Variants in ZNF609 observed in about 807,000 individuals in gnomAD.
ZNF609 encodes zinc finger protein 609.
ZNF609 carries 11 observed loss-of-function variants against 109.5 expected under a neutral mutation model. The ratio of observed to expected loss-of-function variants is 0.10; its 90% CI spans 0.06 to 0.17. ZNF609 has a LOEUF of 0.17. ZNF609 is among the 10% of genes least tolerant of loss of function. The probability of loss-of-function intolerance (pLI) is 1.00; values close to 1 mark genes in which losing one functional copy is unlikely to be tolerated. For synonymous variants in ZNF609, 646 were observed against 662.0 expected (o/e 0.98, Z 0.37); for missense variants, 1,559 against 1,772.4 (o/e 0.88, Z 2.16).
chr15:64,577,057 C>CACATAAAT (rs1567019119), intron 2 of ZNF609, among the ~76,000 whole-genome samples: 8,430 of 34,446 alleles, frequency 0.24, 2,570 homozygotes, highest in Non-Finnish European at 0.36. Context: ...TAAATATATA[C>CACATAAAT]ATATATGTAT....
intron 2 of ZNF609, among the ~76,000 whole-genome samples, chr15:64,563,272 A>G (rs1213809072): frequency 6.6e-6 from 1 of 151,894 alleles, no homozygotes. Context: ...GAACATGGTA[A>G]AATCCCATCT....
intron 1 of ZNF609, among the ~76,000 whole-genome samples, chr15:64,494,540 G>A (rs946812821): frequency 4.6e-5 from 7 of 151,858 alleles, no homozygotes; most frequent in African/African-American, 1.7e-4. Flanking sequence ...ATATGTTTTT[G>A]TTTTTGTTTT....
At chr15:64,566,349 T>C (rs1894777529) in intron 2 of ZNF609, among the ~76,000 whole-genome samples, 2 of 152,184 alleles carry the variant, frequency 1.3e-5, no homozygotes, top group African/African-American at 4.8e-5. Flanking sequence ...TGAATGAATG[T>C]ATGCATGAGC....
At chr15:64,515,970 A>C (rs1424273788) in intron 2 of ZNF609, among the ~76,000 whole-genome samples, 1 of 152,026 alleles carries the variant, frequency 6.6e-6, no homozygotes, top group Admixed American at 6.6e-5. Context: ...TAAGCAGGTA[A>C]ATGTCCTCAT....
chr15:64,527,169 T>C (rs1368978989), intron 2 of ZNF609, among the ~76,000 whole-genome samples: 1 of 151,080 alleles, frequency 6.6e-6, no homozygotes, highest in Non-Finnish European at 1.5e-5. Flanking sequence ...TTCTTTGGGC[T>C]TCCTTCATTC....
chr15:64,576,346 T>C (rs901345354), intron 2 of ZNF609, among the ~76,000 whole-genome samples: 1 of 152,160 alleles, frequency 6.6e-6, no homozygotes, highest in Non-Finnish European at 1.5e-5. Flanking sequence ...ATACTGACTT[T>C]AGGCTAGCTT....
At chr15:64,636,721 A>G (rs1457903706) in intron 3 of ZNF609, among the ~76,000 whole-genome samples, 1 of 152,232 alleles carries the variant, frequency 6.6e-6, no homozygotes, top group African/African-American at 2.4e-5. Context: ...CTTTTCTGCC[A>G]TGTGCTGTTG....
chr15:64,576,142 T>G (rs1894949152), intron 2 of ZNF609, among the ~76,000 whole-genome samples: 1 of 152,102 alleles, frequency 6.6e-6, no homozygotes, highest in Admixed American at 6.6e-5. Context: ...CTTGAAAAAT[T>G]AATAAAAATG....
chr15:64,561,569 T>A (rs1297077845), intron 2 of ZNF609, among the ~76,000 whole-genome samples: 8 of 150,450 alleles, frequency 5.3e-5, no homozygotes, highest in South Asian at 4.2e-4. Flanking sequence ...TTTTTTTTTT[T>A]TAAATGATTT....
At chr15:64,548,672 G>A (rs1194604509) in intron 2 of ZNF609, among the ~76,000 whole-genome samples, 2 of 152,180 alleles carry the variant, frequency 1.3e-5, no homozygotes, top group South Asian at 2.1e-4. Context: ...GGAGGCTAAA[G>A]TAGGACTTGA....
intron 2 of ZNF609, among the ~76,000 whole-genome samples, chr15:64,508,641 C>T (rs1413967828): frequency 6.6e-6 from 1 of 151,822 alleles, no homozygotes; most frequent in Non-Finnish European, 1.5e-5. Context: ...CAGACCTCCT[C>T]CCAGTCCCTA....
intron 2 of ZNF609, among the ~76,000 whole-genome samples, chr15:64,524,797 G>A (rs1034506871): frequency 6.6e-6 from 1 of 152,054 alleles, no homozygotes; most frequent in African/African-American, 2.4e-5. Context: ...TTTTTGTATG[G>A]ACATATGTCT....
At chr15:64,486,242 G>A (rs909389841) in intron 1 of ZNF609, among the ~76,000 whole-genome samples, 2 of 152,004 alleles carry the variant, frequency 1.3e-5, no homozygotes, top group African/African-American at 2.4e-5. Flanking sequence ...TTATTTTATC[G>A]GCCAGGCACG....
At chr15:64,590,362 C>A (rs927883079) in intron 2 of ZNF609, among the ~76,000 whole-genome samples, 4 of 152,028 alleles carry the variant, frequency 2.6e-5, no homozygotes, top group African/African-American at 9.7e-5. Flanking sequence ...TGCTCTGTTA[C>A]CCAGGCTAGA....
At chr15:64,562,740 C>A (rs1468650286) in intron 2 of ZNF609, among the ~76,000 whole-genome samples, 18 of 147,316 alleles carry the variant, frequency 1.2e-4, no homozygotes, top group Admixed American at 2.7e-4. Context: ...AGAAGCCAGC[C>A]AAAAAAAAAA....
At chr15:64,497,913 T>A (rs1292951633) in intron 1 of ZNF609, among the ~76,000 whole-genome samples, 10 of 149,390 alleles carry the variant, frequency 6.7e-5, no homozygotes, top group African/African-American at 1.2e-4. Flanking sequence ...AAAAAAAAAA[T>A]TTTTTTTTTA....
At chr15:64,500,402 C>A (rs370957726) in intron 2 of ZNF609, 1 of 735,734 alleles carries the variant, frequency 1.4e-6, no homozygotes, top group Non-Finnish European at 2.4e-6. Context: ...TTGTTGGGGG[C>A]AGCTACTTTG....
chr15:64,545,219 AC>A (rs980465017), intron 2 of ZNF609, among the ~76,000 whole-genome samples: 15 of 151,200 alleles, frequency 9.9e-5, no homozygotes, highest in African/African-American at 3.7e-4. Context: ...TTTCTTTGAG[AC>A]AGGGTCTAGC....
At chr15:64,648,486 A>C (rs575090479) in intron 3 of ZNF609, among the ~76,000 whole-genome samples, 9 of 152,196 alleles carry the variant, frequency 5.9e-5, no homozygotes, top group African/African-American at 2.2e-4. Flanking sequence ...AGTGAGACTT[A>C]ACCTCAAACA....
Sources: allele counts gnomAD v4.1 joint callset (sites outside exome capture counted in the v4.1 genomes callset), GRCh38; gene constraint gnomAD v4.1.1; transcripts MANE v1.5; gene names NCBI Gene and HGNC (gene_info 2026-07-23, HGNC 2026-07-21).